SPEN: variants seen among roughly 807,000 people sequenced by gnomAD.
SPEN encodes the protein spen family transcriptional repressor, also known as msx2-interacting protein.
A neutral mutation model predicts 269.9 loss-of-function variants in SPEN; 18 were observed. The observed-to-expected ratio is 0.07, with a 90% CI of 0.05 to 0.10. The LOEUF (loss-of-function observed/expected upper bound fraction) is 0.10. SPEN is among the 10% of genes least tolerant of loss of function. The pLI is 1.00. For synonymous variants in SPEN, 1,726 were observed against 1,765.7 expected, an observed-to-expected ratio of 0.98 and a Z score of 0.56; for missense variants, 3,822 against 4,631.2, an observed-to-expected ratio of 0.83 and a Z score of 5.07.
chr1:15,918,615 C>T (rs779492566), intron 6 of SPEN, among the ~76,000 whole-genome samples: 1 of 152,194 alleles, frequency 6.6e-6, no homozygotes, highest in Non-Finnish European at 1.5e-5. Context: ...CCTGCCTTTT[C>T]TTTATTATCG....
Position 15,929,338 on chromosome 1 carries a change from G to A in SPEN, c.3098G>A (p.Gly1033Glu). The A allele has an allele frequency of 6.2e-7, 1 of 1,613,526 alleles. No homozygotes were observed. The highest frequency in any genetic ancestry group is 1.3e-5 in the African/African-American group (1 of 74,970). ...AGAGAGGTCATTCTGCTGAGGGAAGGAGAGGCTGAAAGAAAGCCTGTGAGG... is the reference window on the plus strand; with the variant it reads ...AGAGAGGTCATTCTGCTGAGGGAAGAAGAGGCTGAAAGAAAGCCTGTGAGG... ...SSREVILLRE[G>E]EAERKPVRKE... Residue 1033 changes from glycine to glutamate, a missense_variant, in exon 11 of 15, where the codon GGA becomes GAA. Physicochemically the swap from Gly to Glu is moderately conservative, Grantham distance 98. Around this residue, in one of 16 missense-constraint regions of SPEN, gnomAD observed 572 missense variants for 582.6 expected, o/e 0.98. Transcript: ENST00000375759. This position sits in a 1 kb window ranked among gnomAD's most constrained non-coding sequence, Gnocchi z 5.8.
intron 1 of SPEN, among the ~76,000 whole-genome samples, chr1:15,852,481 T>C (rs1005014377): frequency 5.9e-5 from 9 of 152,146 alleles, no homozygotes; most frequent in African/African-American, 2.2e-4. Flanking sequence ...AGAATAATTA[T>C]ACAAAATAAT....
chr1:15,933,339 CCTG>C lies in SPEN; in HGVS notation c.7104_7106del (p.Ala2369del). On this transcript the variant is annotated inframe_deletion, in exon 11 of 15. Transcript: ENST00000375759. This position sits in a 1 kb window ranked among gnomAD's most constrained non-coding sequence, Gnocchi z 5.7. Reference sequence around the variant, plus strand: ...ATCCAACCAAGCTCAAGGTGAGAGTCCTGCTGCAAATGAGGGGACAACAGTACA... The same window carrying C: ...ATCCAACCAAGCTCAAGGTGAGAGTCCTGCAAATGAGGGGACAACAGTACA... 3 of 1,614,106 alleles carry C rather than the reference CCTG, an allele frequency of 1.9e-6. No individual in the cohort carries two copies. Among genetic ancestry groups the C allele is most frequent in the Non-Finnish European group, 2.5e-6 (3 of 1,180,020 alleles).
chr1:15,876,131 T>G, intron 2 of SPEN, 71 bp from the exon 3 acceptor site: 1 of 1,182,292 alleles, frequency 8.5e-7, no homozygotes, highest in South Asian at 1.3e-5. Context: ...CTGAAGTGAA[T>G]GTTTGCATGA....
chr1:15,933,082 C>G lies in SPEN; in HGVS notation c.6842C>G (p.Ser2281Cys). The change falls in exon 11 of 15, where the codon TCT becomes TGT. Residue 2281 changes from serine to cysteine, a missense_variant. Physicochemically the swap from Ser to Cys is moderately radical, Grantham distance 112 (BLOSUM62 -1). This residue lies in a region of SPEN where 727 missense variants were observed against 737.9 expected (regional missense o/e 0.99). Coordinates refer to ENST00000375759, the MANE Select transcript of SPEN (RefSeq NM_015001.3). The surrounding 1 kb of genome is among the most constrained non-coding windows in gnomAD (Gnocchi z 5.7). ...CTGGAAACTGAGGCTGCTACAGAAT[C>G]TTCTAGGCCTCCAGTCAATGCTCCT... Reference protein sequence around the residue: ...GILETEAATESSRPPVNAPDP... With the variant: ...GILETEAATECSRPPVNAPDP... The G allele has an allele frequency of 6.2e-7, 1 of 1,614,162 alleles. No homozygotes were observed. The highest frequency in any genetic ancestry group is 8.5e-7 in the Non-Finnish European group (1 of 1,179,978).
chr1:15,869,218 G>C (rs897559600), intron 1 of SPEN, among the ~76,000 whole-genome samples: 1 of 151,820 alleles, frequency 6.6e-6, no homozygotes, highest in Non-Finnish European at 1.5e-5. Context: ...CACCACACTC[G>C]GCTAATTTTT....
At position 15,894,048 on chromosome 1, in the gene SPEN, T is replaced by C. The variant is rs539779149; in HGVS notation, c.882-15273T>C. Among the ~76,000 whole-genome samples, 6 of 152,170 alleles carry C rather than the reference T, an allele frequency of 3.9e-5. No individual in the cohort carries two copies. In the East Asian group the frequency reaches 9.6e-4, roughly 24 times the overall value. On this transcript the variant is annotated intron_variant, in intron 3 of 14. Coordinates refer to ENST00000375759, the MANE Select transcript of SPEN (RefSeq NM_015001.3). ...AAGGCAAAAACCTCAAACTTCAAAT[T>C]TGCTTATGGGTTTGGTAAGGCTACA...
Position 15,848,601 on chromosome 1 carries a change from A to G in SPEN, c.83+451A>G, listed in dbSNP as rs577897085. 1.7e-3 allele frequency among the ~76,000 whole-genome samples: 244 copies of G among 139,658 alleles called. No individual in the cohort carries two copies. Among genetic ancestry groups the G allele is most frequent in the African/African-American group, 4.8e-3 (197 of 40,906 alleles). The allele number at this position is 139,658 out of a possible 152,430, so 91.6% of individuals were successfully genotyped here. A position where few individuals can be genotyped will look rare whatever the true frequency, so the allele number is the denominator to read the frequency against. ...CAAGCTGCTCTGCGGGCGCTCGGCA[A>G]TGTCTGACTTCGGGAGGGTTCCGTG... On this transcript the variant is annotated intron_variant, in intron 1 of 14. Transcript: ENST00000375759. This position sits in a 1 kb window ranked among gnomAD's most constrained non-coding sequence, Gnocchi z 5.1.
chr1:15,861,272 T>C (rs2070445708), intron 1 of SPEN, among the ~76,000 whole-genome samples: 1 of 151,442 alleles, frequency 6.6e-6, no homozygotes, highest in Non-Finnish European at 1.5e-5. Context: ...CCTAGGACTA[T>C]AGGCACATGC....
chr1:15,862,488 A>T (rs1164150722), intron 1 of SPEN, among the ~76,000 whole-genome samples: 11 of 151,910 alleles, frequency 7.2e-5, no homozygotes. Context: ...GCACACTGTG[A>T]ATTTTTTCCA....
In SPEN at chr1:15,939,003, GA is replaced by G; in HGVS notation, c.10863+129del. On this transcript the variant is annotated intron_variant, in intron 14 of 14. Transcript: ENST00000375759. The surrounding 1 kb of genome is among the most constrained non-coding windows in gnomAD (Gnocchi z 4.1). ...GGTGGGCAAAGGGGCATTTTGGACA[GA>G]AGTCAGTAGAGCACATGGGGCGGGG... The G allele has an allele frequency of 8.0e-7, 1 of 1,257,862 alleles. No individual in the cohort carries two copies. The highest frequency in any genetic ancestry group is 1.1e-6 in the Non-Finnish European group (1 of 908,676). 77.9% of individuals were successfully genotyped at this position (1,257,862 alleles called of 1,614,324 possible). A position where few individuals can be genotyped will look rare whatever the true frequency, so the allele number is the denominator to read the frequency against.
intron 8 of SPEN, 128 bp from the exon 9 acceptor site, chr1:15,920,742 T>C (rs974704492): frequency 4.2e-5 from 16 of 379,540 alleles, no homozygotes; most frequent in Non-Finnish European, 6.5e-5. Flanking sequence ...CTTTTTTTTT[T>C]AATAGAATAA....
rs767105647 is a variant in SPEN at position 15,935,660 on chromosome 1, G to A, written c.9420G>A (p.Pro3140=). The change falls in exon 11 of 15, where the codon CCG becomes CCA. Residue 3140 remains proline (P), a synonymous_variant. Transcript: ENST00000375759. The surrounding 1 kb of genome is among the most constrained non-coding windows in gnomAD (Gnocchi z 7.7). ...GGGCCCCACAGCGTGCCAGCACCCC[G>A]CAGCCAGCCCCAGCTGGTGTGCCTG... ...EVRAPQRAST[P]QPAPAGVPAL... The A allele has an allele frequency of 1.6e-5, 26 of 1,613,804 alleles. No homozygotes were observed. Among genetic ancestry groups the A allele is most frequent in the Admixed American group, 1.0e-4 (6 of 59,986 alleles).
intron 1 of SPEN, among the ~76,000 whole-genome samples, chr1:15,856,554 G>T (rs1266766233): frequency 6.8e-6 from 1 of 146,228 alleles, no homozygotes; most frequent in African/African-American, 2.5e-5. Flanking sequence ...TGTTAGATCT[G>T]CTGCCAGATA....
In SPEN at chr1:15,933,525, C is replaced by T. The variant is rs773388165; in HGVS notation, c.7285C>T (p.Pro2429Ser). ...GACTCCAACCAAAGCATCTGTGCCC[C>T]CAGACCTTCCCCCACCTCCCCAGCC... ...ERTPTKASVP[P>S]DLPPPPQPAP... Residue 2429 changes from proline to serine, a missense_variant, in exon 11 of 15, where the codon CCA (proline) becomes TCA (serine). Pro to Ser is a moderately conservative substitution (Grantham distance 74). Around this residue, in one of 16 missense-constraint regions of SPEN, gnomAD observed 727 missense variants for 737.9 expected, o/e 0.99. Transcript: ENST00000375759. The surrounding 1 kb of genome is among the most constrained non-coding windows in gnomAD (Gnocchi z 5.7). 4 of 1,613,824 alleles carry T rather than the reference C, an allele frequency of 2.5e-6. No homozygotes were observed. Among genetic ancestry groups the T allele is most frequent in the South Asian group, 1.1e-5 (1 of 91,058 alleles).
rs571106313 is a variant in SPEN, at chr1:15,848,220, C to G, written c.83+70C>G. 5 of 1,176,172 alleles carry G rather than the reference C, an allele frequency of 4.3e-6. No homozygotes were observed. In the South Asian group the frequency reaches 6.7e-5, roughly 16 times the overall value. The allele number at this position is 1,176,172 out of a possible 1,614,324, so 72.9% of individuals were successfully genotyped here. ...GCTTCCCGCCCCGGCCCGTTGCCGG[C>G]CCCTCCCGGAGCGCGGAGCTGGTGA... On this transcript the variant is annotated intron_variant, in intron 1 of 14. Transcript: ENST00000375759. The surrounding 1 kb of genome is among the most constrained non-coding windows in gnomAD (Gnocchi z 5.1).
intron 9 of SPEN, 91 bp from the exon 10 acceptor site, chr1:15,922,158 G>C: frequency 1.1e-6 from 1 of 911,286 alleles, no homozygotes; most frequent in Non-Finnish European, 1.7e-6. Context: ...TTCTCAGAAG[G>C]GCTATGTTGT....
chr1:15,919,191 A>C, intron 7 of SPEN, 140 bp downstream of exon 7: 5 of 791,054 alleles, frequency 6.3e-6, no homozygotes, highest in Non-Finnish European at 9.8e-6. Flanking sequence ...ACTTCTTTGC[A>C]TTCCTATCCT....
At chr1:15,856,426 A>G (rs1052702271) in intron 1 of SPEN, among the ~76,000 whole-genome samples, 1 of 152,106 alleles carries the variant, frequency 6.6e-6, no homozygotes, top group African/African-American at 2.4e-5. Flanking sequence ...AATATAGAGA[A>G]AACTAATAGT....
Sources: gnomAD v4.1 joint callset for allele counts (sites outside exome capture counted in the v4.1 genomes callset) on GRCh38, gnomAD v4.1.1 for gene constraint, gnomAD v4.1.1 regional missense constraint, Gnocchi (gnomAD v3.1) non-coding constraint, MANE v1.5 for transcripts, NCBI Gene and HGNC (gene_info 2026-07-23, HGNC 2026-07-21) for gene names.